Variants in CCDC146 observed in about 807,000 individuals in gnomAD.
The protein encoded by CCDC146 is coiled-coil domain-containing protein 146.
CCDC146 carries 92 observed loss-of-function variants against 119.3 expected under a neutral mutation model. That is an observed-to-expected ratio of 0.77 (90% CI 0.65 to 0.92). CCDC146 has a LOEUF of 0.92. Among genes scored for constraint, CCDC146 ranks in the 40% least tolerant of loss-of-function variants. CCDC146 has a pLI of 0.00. For missense variants in CCDC146, 1,000 were observed against 1,103.0 expected, an observed-to-expected ratio of 0.91 and a Z score of 1.32; for synonymous variants, 372 against 371.8, an observed-to-expected ratio of 1.00 and a Z score of -0.01.
At chr7:77,235,455 A>C (rs1792716270) in intron 2 of CCDC146, among the ~76,000 whole-genome samples, 1 of 152,138 alleles carries the variant, frequency 6.6e-6, no homozygotes, top group African/African-American at 2.4e-5. Context: ...AGAAAAAGAG[A>C]GACTCATACA....
At chr7:77,201,559 C>A (rs1158818652) in intron 2 of CCDC146, among the ~76,000 whole-genome samples, 1 of 150,818 alleles carries the variant, frequency 6.6e-6, no homozygotes, top group Non-Finnish European at 1.5e-5. Flanking sequence ...CATCCCCCAG[C>A]CCCACCCCTC....
At chr7:77,242,856 C>G (rs1191239169) in intron 4 of CCDC146, among the ~76,000 whole-genome samples, 2 of 148,638 alleles carry the variant, frequency 1.3e-5, no homozygotes, top group Middle Eastern at 3.4e-3. Context: ...GTTTAAAATC[C>G]TCTCTTTGGG....
At chr7:77,172,055 A>G (rs1283388978) in intron 2 of CCDC146, among the ~76,000 whole-genome samples, 1 of 152,212 alleles carries the variant, frequency 6.6e-6, no homozygotes, top group Non-Finnish European at 1.5e-5. Flanking sequence ...TGCTACATAC[A>G]CTTTTGAGTA....
chr7:77,249,151 G>A lies in CCDC146; in HGVS notation c.450-5355G>A, dbSNP rs192729982. Among the ~76,000 whole-genome samples, 59 of 152,240 alleles carry A rather than the reference G, an allele frequency of 3.9e-4. 3 individuals are homozygous for A. In the East Asian group the frequency reaches 0.011, roughly 29 times the overall value. On this transcript the variant is annotated intron_variant, in intron 4 of 18. Transcript: ENST00000285871. The stretch of plus-strand genomic sequence containing the variant: ...TCTACTTCTCCTTGCACTTCTATCA[G>A]TTTTGCCTCATGTATTTTGATGTTC...
chr7:77,208,896 CAT>C (rs1792127699), intron 2 of CCDC146, among the ~76,000 whole-genome samples: 1 of 152,104 alleles, frequency 6.6e-6, no homozygotes. Context: ...GATGGGGTCT[CAT>C]TATGTTGCCC....
At chr7:77,186,015 A>C (rs1791661366) in intron 2 of CCDC146, among the ~76,000 whole-genome samples, 1 of 152,208 alleles carries the variant, frequency 6.6e-6, no homozygotes, top group South Asian at 2.1e-4. Context: ...GGATATGAAG[A>C]AAAGGGAAGC....
chr7:77,131,132 C>A (rs1387246449), intron 1 of CCDC146, among the ~76,000 whole-genome samples: 2 of 151,994 alleles, frequency 1.3e-5, no homozygotes, highest in Non-Finnish European at 2.9e-5. Flanking sequence ...ATTCTCCCAC[C>A]TTGGCTTCCC....
At chr7:77,215,866 A>T (rs1292528738) in intron 2 of CCDC146, among the ~76,000 whole-genome samples, 3 of 152,084 alleles carry the variant, frequency 2.0e-5, no homozygotes, top group Non-Finnish European at 4.4e-5. Flanking sequence ...GTTCCTTCCC[A>T]TGAAATTATA....
intron 18 of CCDC146, among the ~76,000 whole-genome samples, chr7:77,293,445 C>T (rs191693820): frequency 6.6e-6 from 1 of 152,342 alleles, no homozygotes; most frequent in East Asian, 1.9e-4. Flanking sequence ...ACATCCTGGG[C>T]TGCTGAGGCT....
intron 7 of CCDC146, 56 bp from the exon 8 acceptor site, chr7:77,259,953 T>C (rs1793259100): frequency 5.3e-5 from 7 of 131,816 alleles, no homozygotes; most frequent in African/African-American, 3.7e-4. Context: ...TGTGTGTGTG[T>C]GTGTGTGTGT....
intron 2 of CCDC146, among the ~76,000 whole-genome samples, chr7:77,180,069 AC>A (rs201639622): frequency 0.013 from 2,051 of 152,198 alleles, 58 homozygotes; most frequent in African/African-American, 0.047. Context: ...ATATATACAC[AC>A]CATATAGATA....
At chr7:77,233,600 G>T (rs1281312854) in intron 2 of CCDC146, among the ~76,000 whole-genome samples, 1 of 152,190 alleles carries the variant, frequency 6.6e-6, no homozygotes, top group Non-Finnish European at 1.5e-5. Flanking sequence ...GGATGAAACT[G>T]TTCCACCGTA....
At chr7:77,205,439 C>G (rs1792065653) in intron 2 of CCDC146, among the ~76,000 whole-genome samples, 1 of 152,112 alleles carries the variant, frequency 6.6e-6, no homozygotes, top group Non-Finnish European at 1.5e-5. Flanking sequence ...TATGTGTTTT[C>G]TCCGTAAGAC....
intron 1 of CCDC146, among the ~76,000 whole-genome samples, chr7:77,126,430 A>C (rs1790690500): frequency 6.6e-6 from 1 of 152,042 alleles, no homozygotes; most frequent in Admixed American, 6.5e-5. Context: ...AGGGTGAACG[A>C]GACGAAGATG....
chr7:77,212,649 A>G (rs555577778), intron 2 of CCDC146, among the ~76,000 whole-genome samples: 1 of 151,590 alleles, frequency 6.6e-6, no homozygotes, highest in African/African-American at 2.4e-5. Flanking sequence ...AAATTGAAGA[A>G]AAAAATCCCA....
At chr7:77,258,757 A>G (rs1355614664) in intron 6 of CCDC146, among the ~76,000 whole-genome samples, 1 of 152,170 alleles carries the variant, frequency 6.6e-6, no homozygotes, top group Non-Finnish European at 1.5e-5. Flanking sequence ...CCATAAAGGG[A>G]ATCTGGGCAG....
intron 1 of CCDC146, among the ~76,000 whole-genome samples, chr7:77,150,219 A>G (rs911655146): frequency 1.3e-5 from 2 of 152,110 alleles, no homozygotes; most frequent in African/African-American, 4.8e-5. Flanking sequence ...GAAAAAAACA[A>G]TAAATTGGAT....
At chr7:77,158,707 A>T (rs1270615525) in intron 1 of CCDC146, among the ~76,000 whole-genome samples, 3 of 152,008 alleles carry the variant, frequency 2.0e-5, no homozygotes, top group Non-Finnish European at 2.9e-5. Context: ...TTTAGTAGAG[A>T]CGGGGTTTCA....
At chr7:77,217,312 A>T (rs1792317758) in intron 2 of CCDC146, among the ~76,000 whole-genome samples, 1 of 150,296 alleles carries the variant, frequency 6.7e-6, no homozygotes, top group African/African-American at 2.5e-5. Flanking sequence ...TCTTTCAACC[A>T]GGTGAATGAC....
Sources: allele counts gnomAD v4.1 joint callset (sites outside exome capture counted in the v4.1 genomes callset), GRCh38; gene constraint gnomAD v4.1.1; transcripts MANE v1.5; gene names NCBI Gene and HGNC (gene_info 2026-07-23, HGNC 2026-07-21).